The following ENTREP2 variants were observed in gnomAD, a reference collection of about 807,000 sequenced individuals.
The protein encoded by ENTREP2 is protein ENTREP2.
the ENTREP2 span, among the ~76,000 whole-genome samples, chr15:29,487,202 C>G: frequency 6.6e-6 from 1 of 152,260 alleles, no homozygotes; most frequent in East Asian, 1.9e-4. Flanking sequence ...GAAATTCAAG[C>G]ATTCCAAAGC....
At chr15:29,425,200 T>TTG in the ENTREP2 span, among the ~76,000 whole-genome samples, 1 of 26,904 alleles carries the variant, frequency 3.7e-5, no homozygotes, top group South Asian at 5.0e-3. Flanking sequence ...AGGTTTTTTG[T>TTG]TTTTTTTTTT....
chr15:29,158,701 G>T, the ENTREP2 span, among the ~76,000 whole-genome samples: 1 of 152,130 alleles, frequency 6.6e-6, no homozygotes, highest in Non-Finnish European at 1.5e-5. Context: ...TCCTTTACAA[G>T]GTGATTCAAA....
At chr15:29,459,614 A>G in the ENTREP2 span, among the ~76,000 whole-genome samples, 1 of 152,182 alleles carries the variant, frequency 6.6e-6, no homozygotes, top group Non-Finnish European at 1.5e-5. Context: ...CTACACTGAC[A>G]TTGAGAAACG....
At chr15:29,635,607 C>T in the ENTREP2 span, among the ~76,000 whole-genome samples, 1 of 152,138 alleles carries the variant, frequency 6.6e-6, no homozygotes, top group Non-Finnish European at 1.5e-5. Flanking sequence ...CAGGGTGCAG[C>T]CACAGCACAC....
the ENTREP2 span, among the ~76,000 whole-genome samples, chr15:29,333,788 T>C: frequency 6.6e-6 from 1 of 152,052 alleles, no homozygotes; most frequent in African/African-American, 2.4e-5. Flanking sequence ...ATAGGTTCAC[T>C]GCAGATGCTA....
At chr15:29,392,120 G>A in the ENTREP2 span, among the ~76,000 whole-genome samples, 1 of 151,924 alleles carries the variant, frequency 6.6e-6, no homozygotes, top group Non-Finnish European at 1.5e-5. Flanking sequence ...GAGCCACTGT[G>A]CCCGGCCTTT....
At chr15:29,585,749 G>A in the ENTREP2 span, among the ~76,000 whole-genome samples, 2 of 151,904 alleles carry the variant, frequency 1.3e-5, no homozygotes, top group Admixed American at 6.6e-5. Context: ...CCAGCTACTC[G>A]GGAGGCTGAG....
At chr15:29,505,232 G>A in the ENTREP2 span, among the ~76,000 whole-genome samples, 2 of 152,224 alleles carry the variant, frequency 1.3e-5, no homozygotes, top group Non-Finnish European at 2.9e-5. The surrounding 1 kb of genome is among the most constrained non-coding windows in gnomAD (Gnocchi z 4.3). Flanking sequence ...AAGGCATCTC[G>A]GAAAGAAAAA....
the ENTREP2 span, among the ~76,000 whole-genome samples, chr15:29,124,093 C>CA: frequency 1.7e-4 from 26 of 152,260 alleles, no homozygotes; most frequent in South Asian, 5.4e-3. Context: ...ACCGCCCCCC[C>CA]CATCATGCCA....
At chr15:29,610,417 G>T in the ENTREP2 span, 2 of 150,476 alleles carry the variant, frequency 1.3e-5, no homozygotes, top group South Asian at 4.2e-4. Context: ...GGTACACTGC[G>T]ATGCTTCATT....
At chr15:29,446,294 T>C in the ENTREP2 span, among the ~76,000 whole-genome samples, 64 of 152,194 alleles carry the variant, frequency 4.2e-4, no homozygotes, top group African/African-American at 1.5e-3. Flanking sequence ...CTAACACTCC[T>C]TTCCCAGACC....
the ENTREP2 span, among the ~76,000 whole-genome samples, chr15:29,618,320 G>A: frequency 2.0e-5 from 3 of 151,854 alleles, no homozygotes; most frequent in Admixed American, 6.6e-5. Context: ...CTATTTGGGA[G>A]GCTAAAACAG....
the ENTREP2 span, among the ~76,000 whole-genome samples, chr15:29,512,056 G>A: frequency 9.9e-5 from 15 of 151,606 alleles, no homozygotes; most frequent in African/African-American, 2.2e-4. Context: ...TATGGTGAAC[G>A]ATATTACTGC....
At chr15:29,538,638 CAAAAAAAAAA>C in the ENTREP2 span, among the ~76,000 whole-genome samples, 1 of 79,002 alleles carries the variant, frequency 1.3e-5, no homozygotes, top group Admixed American at 1.6e-4. Flanking sequence ...ACTAAAAATA[CAAAAAAAAAA>C]AAAAAAAAAA....
chr15:29,344,419 C>G, the ENTREP2 span, among the ~76,000 whole-genome samples: 38 of 152,200 alleles, frequency 2.5e-4, no homozygotes, highest in Admixed American at 7.2e-4. Flanking sequence ...AACTTCCTCC[C>G]TGCTAGATTG....
At chr15:29,246,972 GGCACAC>G in the ENTREP2 span, among the ~76,000 whole-genome samples, 1 of 55,046 alleles carries the variant, frequency 1.8e-5, no homozygotes, top group African/African-American at 5.1e-5. Flanking sequence ...TGACTGGAAA[GGCACAC>G]ACACACACAC....
the ENTREP2 span, among the ~76,000 whole-genome samples, chr15:29,377,862 T>TAATAATAATAATAAA: frequency 7.7e-4 from 78 of 100,952 alleles, no homozygotes; most frequent in Admixed American, 3.8e-3. Context: ...ATAATAATAA[T>TAATAATAATAATAAA]AAAAAAATGA....
the ENTREP2 span, among the ~76,000 whole-genome samples, chr15:29,635,390 A>G: frequency 6.6e-6 from 1 of 152,208 alleles, no homozygotes; most frequent in East Asian, 1.9e-4. Flanking sequence ...GGGGTTCACA[A>G]TATCACAGGG....
the ENTREP2 span, among the ~76,000 whole-genome samples, chr15:29,392,107 C>T: frequency 7.9e-5 from 12 of 152,000 alleles, no homozygotes; most frequent in South Asian, 4.2e-4. Flanking sequence ...GAATTACAGG[C>T]GTGAGCCACT....
Sources: allele counts gnomAD v4.1 joint callset (sites outside exome capture counted in the v4.1 genomes callset), GRCh38; gene constraint gnomAD v4.1.1; non-coding constraint Gnocchi (gnomAD v3.1); transcripts MANE v1.5; gene names NCBI Gene and HGNC (gene_info 2026-07-23, HGNC 2026-07-21).